Variants in AHSA1 observed in about 807,000 individuals in gnomAD.
The protein encoded by AHSA1 is activator of 90 kDa heat shock protein ATPase homolog 1.
AHSA1 carries 14 observed loss-of-function variants against 46.1 expected under a neutral mutation model. That is an observed-to-expected ratio of 0.30 (90% CI 0.20 to 0.47). The LOEUF is 0.47. Among genes scored for constraint, AHSA1 ranks in the 20% least tolerant of loss-of-function variants. The pLI is 0.99. For missense variants in AHSA1, 333 were observed against 415.9 expected, an observed-to-expected ratio of 0.80 and a Z score of 1.73; for synonymous variants, 147 against 145.8, an observed-to-expected ratio of 1.01 and a Z score of -0.06.
intron 3 of AHSA1, 22 bp from the exon 4 acceptor site, chr14:77,462,620 C>T: frequency 1.1e-5 from 18 of 1,609,520 alleles, no homozygotes; most frequent in Non-Finnish European, 1.5e-5. Context: ...TATTTACCAC[C>T]TACTTCTCAT....
In AHSA1 at chr14:77,468,049, C is replaced by CTTTTTTTTTTTTTT. The variant is rs150175578; in HGVS notation, c.691-33_691-32insTTTTTTTTTTTTTT. On this transcript the variant is annotated intron_variant, in intron 6 of 8. Coordinates refer to ENST00000216479, the MANE Select transcript of AHSA1 (RefSeq NM_012111.3). ...CCACTGAAAGCCATGTATCTTCTGC[C>CTTTTTTTTTTTTTT]TCTTTTTTTTTTTTTTTTTTTTTTT... 11 of 723,822 alleles carry CTTTTTTTTTTTTTT rather than the reference C, an allele frequency of 1.5e-5. 4 individuals carry two copies. The highest frequency in any genetic ancestry group is 1.8e-5 in the Non-Finnish European group (9 of 497,244). 44.8% of individuals were successfully genotyped at this position (723,822 alleles called of 1,614,324 possible). A position where few individuals can be genotyped will look rare whatever the true frequency, so the allele number is the denominator to read the frequency against.
Position 77,469,060 on chromosome 14 carries a change from C to T in AHSA1, c.845-17C>T. 1.2e-6 allele frequency: 2 copies of T among 1,612,898 alleles called. No homozygotes were observed. The highest frequency in any genetic ancestry group is 1.7e-6 in the Non-Finnish European group (2 of 1,179,296). On this transcript the variant is annotated splice_polypyrimidine_tract_variant and intron_variant, in intron 8 of 8. Coordinates refer to ENST00000216479, the MANE Select transcript of AHSA1 (RefSeq NM_012111.3). ...GAAACCTAGATATGAAACCTCCGTC[C>T]CCTCTGCCTTTCCCAGGACACTTTG... is the stretch of plus-strand genomic sequence containing the variant.
chr14:77,469,145 C>T lies in AHSA1; in HGVS notation c.913C>T (p.Arg305Ter), dbSNP rs1242215754. 1.9e-6 allele frequency: 3 copies of T among 1,614,180 alleles called. No individual in the cohort carries two copies. The highest frequency in any genetic ancestry group is 2.5e-6 in the Non-Finnish European group (3 of 1,180,038). ...NGETELCMEG[R>*]GIPAPEEERT... ...AGAGACTGAGCTGTGCATGGAAGGTCGAGGCATCCCTGCTCCTGAGGAAGA... is the reference window on the plus strand; with the variant it reads ...AGAGACTGAGCTGTGCATGGAAGGTTGAGGCATCCCTGCTCCTGAGGAAGA... Residue 305 changes from arginine to a stop codon, truncating the protein, a stop_gained, in exon 9 of 9, where the codon CGA becomes TGA. Coordinates refer to ENST00000216479, the MANE Select transcript of AHSA1 (RefSeq NM_012111.3). LOFTEE classifies it high-confidence loss of function.
rs561001763 is a variant in AHSA1 at position 77,459,748 on chromosome 14, C to T, written c.213C>T (p.Asn71=). The T allele has an allele frequency of 4.5e-5, 72 of 1,614,204 alleles. 2 individuals carry two copies. The South Asian group carries it at 6.9e-4, about 16-fold the overall frequency. The change falls in exon 2 of 9, where the codon AAC becomes AAT. Residue 71 remains asparagine, a synonymous_variant. Coordinates refer to ENST00000216479, the MANE Select transcript of AHSA1 (RefSeq NM_012111.3). ...AGCTTGATGGAGAGGCATCCATTAA[C>T]AATCGCAAAGGGAAACTTATCTTCT... is the stretch of plus-strand genomic sequence containing the variant. ...VSKLDGEASI[N]NRKGKLIFFY...
intron 3 of AHSA1, 86 bp from the exon 4 acceptor site, chr14:77,462,553 TCAG>T (rs2079030287): frequency 8.3e-7 from 1 of 1,199,274 alleles, no homozygotes; most frequent in African/African-American, 1.5e-5. Context: ...TTTGGAAATG[TCAG>T]CAGTCACCTG....
At chr14:77,461,119 G>A (rs902983863) in intron 2 of AHSA1, among the ~76,000 whole-genome samples, 2 of 151,748 alleles carry the variant, frequency 1.3e-5, no homozygotes, top group Non-Finnish European at 2.9e-5. Context: ...GGATCGCACC[G>A]TTGCACTCCA....
At chr14:77,458,327 G>T in intron 1 of AHSA1, 58 bp downstream of exon 1, 2 of 1,522,994 alleles carry the variant, frequency 1.3e-6, no homozygotes, top group South Asian at 1.2e-5. Flanking sequence ...CAGGGTTTCA[G>T]GGTTCCTAGA....
intron 2 of AHSA1, 42 bp from the exon 3 acceptor site, chr14:77,462,118 C>T: frequency 1.3e-6 from 2 of 1,500,634 alleles, no homozygotes; most frequent in Non-Finnish European, 1.9e-6. Context: ...GAGACCTTTC[C>T]TGCCAAGGAG....
chr14:77,460,935 G>A (rs533567289), intron 2 of AHSA1, among the ~76,000 whole-genome samples: 91 of 152,068 alleles, frequency 6.0e-4, no homozygotes, highest in African/African-American at 1.8e-3. Context: ...CAAGGTGGGC[G>A]GATCACGAGG....
intron 2 of AHSA1, 57 bp from the exon 3 acceptor site, chr14:77,462,103 G>A (rs1365704614): frequency 7.4e-7 from 1 of 1,358,444 alleles, no homozygotes; most frequent in African/African-American, 1.4e-5. Flanking sequence ...TAGGACCCTG[G>A]AGCAGAGACC....
In AHSA1 at chr14:77,458,184, G is replaced by A. The variant is rs1019824363; in HGVS notation, c.-6G>A. On this transcript the variant is annotated 5_prime_UTR_variant, in exon 1 of 9. Transcript: ENST00000216479. ...CGGAGCTGGTGGCGCCGCGATAGGA[G>A]AGCCGATGGCCAAGTGGGGTGAGGG... 4.1e-5 allele frequency: 62 copies of A among 1,527,716 alleles called. No individual in the cohort carries two copies. Among genetic ancestry groups the A allele is most frequent in the Non-Finnish European group, 5.0e-5 (57 of 1,139,090 alleles). 94.6% of individuals were successfully genotyped at this position (1,527,716 alleles called of 1,614,324 possible).
intron 5 of AHSA1, among the ~76,000 whole-genome samples, chr14:77,465,126 G>C (rs1302221653): frequency 6.6e-6 from 1 of 152,212 alleles, no homozygotes; most frequent in Non-Finnish European, 1.5e-5. Context: ...AGAGATGGAA[G>C]TTTGTGGTTC....
intron 2 of AHSA1, among the ~76,000 whole-genome samples, chr14:77,461,038 A>G (rs1418059286): frequency 1.3e-5 from 2 of 152,004 alleles, no homozygotes; most frequent in Non-Finnish European, 2.9e-5. Context: ...ATGTGCCTGT[A>G]GTCCCAGCTA....
Position 77,459,804 on chromosome 14 carries a change from C to T in AHSA1, c.269C>T (p.Thr90Ile). 1 of 1,614,148 alleles carries T rather than the reference C, an allele frequency of 6.2e-7. No individual in the cohort carries two copies. Among genetic ancestry groups the T allele is most frequent in the Non-Finnish European group, 8.5e-7 (1 of 1,180,012 alleles). ...GAATGGAGCGTCAAACTAAACTGGA[C>T]AGGTAAGTCTAAGCTGGGCTGTCAG... ...FYEWSVKLNW[T>I]GTSKSGVQYK... The change falls in exon 2 of 9, where the codon ACA (threonine) becomes ATA (isoleucine). Residue 90 changes from threonine (T) to isoleucine (I), a missense_variant and splice_region_variant. Physicochemically the swap from Thr to Ile is moderately conservative, Grantham distance 89. Coordinates refer to ENST00000216479, the MANE Select transcript of AHSA1 (RefSeq NM_012111.3).
intron 2 of AHSA1, among the ~76,000 whole-genome samples, chr14:77,460,629 G>A (rs897116434): frequency 1.3e-4 from 19 of 149,802 alleles, no homozygotes; most frequent in African/African-American, 4.4e-4. Context: ...GCAGTGGCAC[G>A]ATCTTGGCTC....
Position 77,459,647 on chromosome 14 carries a change from G to C in AHSA1, c.112G>C (p.Asp38His). The change falls in exon 2 of 9, where the codon GAT (aspartate) becomes CAT (histidine). Residue 38 changes from aspartate (D) to histidine (H), a missense_variant. By Grantham distance (81) the Asp-to-His change is moderately conservative. Coordinates refer to ENST00000216479, the MANE Select transcript of AHSA1 (RefSeq NM_012111.3). ...TERDASNWST[D>H]KLKTLFLAVQ... ...GAGAGATGCTTCAAATTGGTCCACG[G>C]ATAAGCTGAAAACACTGTTCCTGGC... is the stretch of plus-strand genomic sequence containing the variant. The C allele has an allele frequency of 1.2e-6, 2 of 1,614,220 alleles. No homozygotes were observed. Among genetic ancestry groups the C allele is most frequent in the Non-Finnish European group, 1.7e-6 (2 of 1,180,046 alleles).
chr14:77,468,936 G>C (rs774993098), intron 8 of AHSA1, 141 bp from the exon 9 acceptor site: 28 of 910,248 alleles, frequency 3.1e-5, no homozygotes, highest in Non-Finnish European at 4.5e-5. Context: ...TGGAACTCCT[G>C]ACCTCTGGTG....
chr14:77,464,863 G>A (rs2079041279), intron 5 of AHSA1, among the ~76,000 whole-genome samples, 177 bp downstream of exon 5: 1 of 152,160 alleles, frequency 6.6e-6, no homozygotes. Flanking sequence ...TCTTTAACCT[G>A]GTTTTAATTC....
chr14:77,463,565 G>A (rs975332253), intron 4 of AHSA1, among the ~76,000 whole-genome samples: 3 of 136,834 alleles, frequency 2.2e-5, no homozygotes, highest in Non-Finnish European at 4.6e-5. Context: ...CAGCCTGGGT[G>A]ACAGAGGGAG....
Sources: allele counts gnomAD v4.1 joint callset (sites outside exome capture counted in the v4.1 genomes callset), GRCh38; gene constraint gnomAD v4.1.1; transcripts MANE v1.5; gene names NCBI Gene and HGNC (gene_info 2026-07-23, HGNC 2026-07-21).